FIG4: variants seen among roughly 807,000 people sequenced by gnomAD.
FIG4 encodes the protein polyphosphoinositide phosphatase.
A neutral mutation model predicts 118.6 loss-of-function variants in FIG4; 112 were observed. The observed-to-expected ratio is 0.94, with a 90% confidence interval of 0.81 to 1.11. The LOEUF is 1.11. Ranked by LOEUF, FIG4 falls within the 50% of genes least tolerant of loss-of-function variation. The probability of loss-of-function intolerance (pLI) is 0.00; values close to 1 mark genes in which losing one functional copy is unlikely to be tolerated. For missense variants in FIG4, 969 were observed against 1,111.7 expected (o/e 0.87, Z 1.83); for synonymous variants, 369 against 381.2 (o/e 0.97, Z 0.37).
At chr6:109,790,840 A>G (rs1205174599) in intron 19 of FIG4, among the ~76,000 whole-genome samples, 1 of 152,176 alleles carries the variant, frequency 6.6e-6, no homozygotes, top group Non-Finnish European at 1.5e-5. Flanking sequence ...TATTAAAGGG[A>G]ATGTTCAGCA....
chr6:109,779,756 C>T (rs1252042851), intron 16 of FIG4, among the ~76,000 whole-genome samples: 1 of 152,156 alleles, frequency 6.6e-6, no homozygotes, highest in African/African-American at 2.4e-5. Context: ...ACAGTTAAAG[C>T]AGCATTACAG....
chr6:109,753,066 G>C (rs1380194224), intron 10 of FIG4, among the ~76,000 whole-genome samples: 1 of 152,166 alleles, frequency 6.6e-6, no homozygotes, highest in Non-Finnish European at 1.5e-5. Flanking sequence ...TGGCTAGCCA[G>C]TTTTCCCAGC....
intron 1 of FIG4, among the ~76,000 whole-genome samples, chr6:109,692,753 G>T (rs1349404672): frequency 6.6e-6 from 1 of 151,732 alleles, no homozygotes; most frequent in Non-Finnish European, 1.5e-5. Flanking sequence ...CCGGAGTGCA[G>T]TGGTGCTATC....
At chr6:109,747,591 T>G (rs1248943808) in intron 10 of FIG4, among the ~76,000 whole-genome samples, 1 of 152,088 alleles carries the variant, frequency 6.6e-6, no homozygotes. Flanking sequence ...TGATGTACTT[T>G]TCCCCCAATA....
intron 15 of FIG4, among the ~76,000 whole-genome samples, chr6:109,769,081 T>C (rs557787398): frequency 4.6e-5 from 7 of 151,814 alleles, no homozygotes; most frequent in Admixed American, 4.0e-4. Flanking sequence ...GGGGTCATTA[T>C]TGACACTTAA....
chr6:109,754,152 G>A (rs1278818355), intron 10 of FIG4, among the ~76,000 whole-genome samples: 62 of 152,236 alleles, frequency 4.1e-4, no homozygotes, highest in East Asian at 3.7e-3. Flanking sequence ...AGCATGAAGC[G>A]TTGTTGAATT....
intron 11 of FIG4, among the ~76,000 whole-genome samples, chr6:109,760,915 C>G (rs1777085359): frequency 6.6e-6 from 1 of 152,208 alleles, no homozygotes; most frequent in Admixed American, 6.5e-5. Flanking sequence ...TTCACCCTCC[C>G]TGGGATGCTT....
In FIG4 at chr6:109,691,368, T is replaced by C. The variant is rs1774372431; in HGVS notation, c.-68T>C. 7.4e-7 allele frequency: 1 copy of C among 1,345,704 alleles called. No individual in the cohort carries two copies. Among genetic ancestry groups the C allele is most frequent in the Non-Finnish European group, 1.0e-6 (1 of 958,660 alleles). The allele number at this position is 1,345,704 out of a possible 1,614,324, so 83.4% of individuals were successfully genotyped here. A position where few individuals can be genotyped will look rare whatever the true frequency, so the allele number is the denominator to read the frequency against. ...TTGATGTCCAGGGCCTGAGGGGTTT[T>C]CTCGCCGAGTCTCCTGGGGCGGTCC... On this transcript the variant is annotated 5_prime_UTR_variant, in exon 1 of 23. Coordinates refer to ENST00000230124, the MANE Select transcript of FIG4 (RefSeq NM_014845.6).
At chr6:109,798,264 T>C (rs1041676300) in intron 22 of FIG4, among the ~76,000 whole-genome samples, 1 of 152,174 alleles carries the variant, frequency 6.6e-6, no homozygotes, top group African/African-American at 2.4e-5. Context: ...AGAACTTGGA[T>C]CCTGACTCAG....
intron 15 of FIG4, among the ~76,000 whole-genome samples, chr6:109,775,354 CTTCT>C (rs1369317228): frequency 6.6e-6 from 1 of 152,128 alleles, no homozygotes; most frequent in Non-Finnish European, 1.5e-5. Flanking sequence ...TCCAAAAAGG[CTTCT>C]TTATGATCCT....
chr6:109,704,446 A>C (rs1399203406), intron 1 of FIG4, among the ~76,000 whole-genome samples: 1 of 152,166 alleles, frequency 6.6e-6, no homozygotes, highest in Non-Finnish European at 1.5e-5. Context: ...ATTTGAGGTC[A>C]GGAGTTCAAG....
intron 10 of FIG4, among the ~76,000 whole-genome samples, chr6:109,751,945 G>A (rs1048656670): frequency 1.4e-4 from 21 of 146,608 alleles, no homozygotes; most frequent in African/African-American, 3.3e-4. Context: ...CCATTAACTC[G>A]TCGTTTAGCA....
chr6:109,822,003 G>T (rs1779019353), intron 22 of FIG4, among the ~76,000 whole-genome samples: 1 of 152,112 alleles, frequency 6.6e-6, no homozygotes, highest in African/African-American at 2.4e-5. Flanking sequence ...TCGCTCCATT[G>T]TATTCCAGCC....
intron 22 of FIG4, among the ~76,000 whole-genome samples, chr6:109,797,955 G>T (rs985472403): frequency 6.6e-6 from 1 of 151,148 alleles, no homozygotes; most frequent in African/African-American, 2.4e-5. Flanking sequence ...TATATGTGAG[G>T]CATCTAGATC....
chr6:109,755,379 G>A lies in FIG4; in HGVS notation c.1138-4871G>A, dbSNP rs539922153. Among the ~76,000 whole-genome samples the A allele has an allele frequency of 2.5e-3, 377 of 152,236 alleles. 3 individuals carry two copies. The highest frequency in any genetic ancestry group is 6.8e-3 in the Middle Eastern group (2 of 294). On this transcript the variant is annotated intron_variant, in intron 10 of 22. Coordinates refer to ENST00000230124, the MANE Select transcript of FIG4 (RefSeq NM_014845.6). ...CACCTATGTGGTCAATTTTGGAATA[G>A]GTGTGGTGTGGTGCTGAAAAAAATG...
intron 1 of FIG4, among the ~76,000 whole-genome samples, chr6:109,697,225 G>A (rs1053033827): frequency 6.8e-6 from 1 of 146,300 alleles, no homozygotes; most frequent in Admixed American, 7.0e-5. Flanking sequence ...TTGTGCCACT[G>A]CACTCCAGCC....
chr6:109,792,482 T>C, intron 20 of FIG4, 100 bp from the exon 21 acceptor site: 1 of 759,842 alleles, frequency 1.3e-6, no homozygotes, highest in Non-Finnish European at 2.3e-6. Flanking sequence ...GTGATTGCTT[T>C]TGTGGAAAAA....
At position 109,691,488 on chromosome 6, in the gene FIG4, A is replaced by T. The variant is rs762687855; in HGVS notation, c.53A>T (p.Tyr18Phe). The T allele has an allele frequency of 1.3e-6, 2 of 1,581,454 alleles. No individual in the cohort carries two copies. Among genetic ancestry groups the T allele is most frequent in the Non-Finnish European group, 1.7e-6 (2 of 1,163,450 alleles). ...AGCTCGGTCCAGAAGCTGGTTCTGT[A>T]TGAGACTAGAGCTGTGAGTACCCCC... ...IISSVQKLVL[Y>F]ETRARYFLVG... is the part of the protein sequence containing the mutation. Residue 18 changes from tyrosine (Y) to phenylalanine (F), a missense_variant, in exon 1 of 23, where the codon TAT becomes TTT. Transcript: ENST00000230124.
intron 15 of FIG4, among the ~76,000 whole-genome samples, chr6:109,767,467 C>T (rs1338636209): frequency 6.6e-6 from 1 of 152,146 alleles, no homozygotes; most frequent in African/African-American, 2.4e-5. Flanking sequence ...AGACAAACCC[C>T]CATGCACAGA....
Sources: gnomAD v4.1 joint callset for allele counts (sites outside exome capture counted in the v4.1 genomes callset) on GRCh38, gnomAD v4.1.1 for gene constraint, MANE v1.5 for transcripts, NCBI Gene and HGNC (gene_info 2026-07-23, HGNC 2026-07-21) for gene names.